DLGAP4: variants seen among roughly 807,000 people sequenced by gnomAD.
The protein encoded by DLGAP4 is DLG associated protein 4, also known as disks large-associated protein 4.
Under a neutral mutation model 86.9 loss-of-function variants are expected in DLGAP4, and 18 were observed. The observed-to-expected ratio is 0.21, with a 90% CI of 0.14 to 0.31. The LOEUF is 0.31. Among genes scored for constraint, DLGAP4 ranks in the 10% least tolerant of loss-of-function variants. DLGAP4 has a pLI of 1.00. For missense variants in DLGAP4, 1,085 were observed against 1,362.6 expected, an observed-to-expected ratio of 0.80 and a Z score of 3.21; for synonymous variants, 548 against 574.3, an observed-to-expected ratio of 0.95 and a Z score of 0.65.
chr20:36,361,362 G>C (rs1222948439), intron 1 of DLGAP4, among the ~76,000 whole-genome samples: 2 of 152,186 alleles, frequency 1.3e-5, no homozygotes, highest in African/African-American at 4.8e-5. Context: ...TGGGCCTGAG[G>C]TGGCAAGGTT....
In DLGAP4 at chr20:36,431,995, A is replaced by G; in HGVS notation, c.278A>G (p.Gln93Arg). Residue 93 changes from glutamine to arginine, a missense_variant, in exon 3 of 13, where the codon CAA becomes CGA. Physicochemically the swap from Gln to Arg is conservative, Grantham distance 43 (BLOSUM62 1). Coordinates refer to ENST00000339266, the MANE Select transcript of DLGAP4 (RefSeq NM_001365621.2). This position sits in a 1 kb window ranked among gnomAD's most constrained non-coding sequence, Gnocchi z 5.1. ...GAGAGCCCCTTCCCCAGCCATGCCCAAGCCACCAAGATCAACCGGCTGCCC... is the reference window on the plus strand; with the variant it reads ...GAGAGCCCCTTCCCCAGCCATGCCCGAGCCACCAAGATCAACCGGCTGCCC... ...PEESPFPSHA[Q>R]ATKINRLPAN... 1 of 1,614,064 alleles carries G rather than the reference A, an allele frequency of 6.2e-7. No individual in the cohort carries two copies. Among genetic ancestry groups the G allele is most frequent in the Non-Finnish European group, 8.5e-7 (1 of 1,179,992 alleles).
chr20:36,328,191 T>C (rs1555891167), intron 1 of DLGAP4, among the ~76,000 whole-genome samples: 1 of 151,788 alleles, frequency 6.6e-6, no homozygotes, highest in Non-Finnish European at 1.5e-5. Context: ...AGAGCAAGAC[T>C]CTGTCTCAAG....
In DLGAP4 at chr20:36,519,953, G is replaced by GT. The variant is rs1228256261; in HGVS notation, c.2513-4294dup. Among the ~76,000 whole-genome samples the GT allele has an allele frequency of 3.5e-4, 53 of 149,832 alleles. 1 individual carries two copies. Among genetic ancestry groups the GT allele is most frequent in the African/African-American group, 1.3e-3 (52 of 39,782 alleles). On this transcript the variant is annotated intron_variant, in intron 10 of 12. Transcript: ENST00000339266. Reference sequence around the variant, plus strand: ...CTACAGGTGTGCACCACCATGCCCAGTTTGTTTTTTTTTTTTTCTTTTGGT... The same window carrying GT: ...CTACAGGTGTGCACCACCATGCCCAGTTTTGTTTTTTTTTTTTTCTTTTGGT...
intron 1 of DLGAP4, among the ~76,000 whole-genome samples, chr20:36,346,210 C>G (rs575249204): frequency 1.3e-5 from 2 of 152,336 alleles, no homozygotes; most frequent in East Asian, 1.9e-4. Context: ...TGGGCAGAGT[C>G]CAAGGACTGA....
At chr20:36,408,404 C>T (rs927884406) in intron 2 of DLGAP4, among the ~76,000 whole-genome samples, 2 of 152,116 alleles carry the variant, frequency 1.3e-5, no homozygotes, top group African/African-American at 2.4e-5. Flanking sequence ...GATGTTTATC[C>T]ACCAGCTCCC....
intron 1 of DLGAP4, among the ~76,000 whole-genome samples, chr20:36,307,665 T>C (rs1363914635): frequency 1.3e-5 from 2 of 151,792 alleles, no homozygotes; most frequent in African/African-American, 4.8e-5. Context: ...TGCCTGGAAG[T>C]GGAAATGACA....
intron 2 of DLGAP4, among the ~76,000 whole-genome samples, chr20:36,388,809 A>G (rs1304573626): frequency 6.6e-6 from 1 of 152,180 alleles, no homozygotes; most frequent in Non-Finnish European, 1.5e-5. Flanking sequence ...TCCTGCGATT[A>G]TTACTTCTTC....
intron 2 of DLGAP4, among the ~76,000 whole-genome samples, chr20:36,416,128 C>T (rs1264749661): frequency 6.6e-6 from 1 of 152,072 alleles, no homozygotes; most frequent in African/African-American, 2.4e-5. Flanking sequence ...TATTTACTTA[C>T]TTATTTATTC....
At chr20:36,461,031 G>C (rs2034015641) in intron 7 of DLGAP4, among the ~76,000 whole-genome samples, 2 of 152,234 alleles carry the variant, frequency 1.3e-5, no homozygotes, top group Non-Finnish European at 2.9e-5. Flanking sequence ...CTATGCAGGG[G>C]TGAGAGGGCC....
At chr20:36,360,486 C>T (rs993760737) in intron 1 of DLGAP4, among the ~76,000 whole-genome samples, 16 of 152,326 alleles carry the variant, frequency 1.1e-4, no homozygotes, top group Middle Eastern at 3.4e-3. Context: ...TCACCTGCCA[C>T]GACCCCGTTC....
At chr20:36,495,136 C>T (rs1447743431) in intron 7 of DLGAP4, among the ~76,000 whole-genome samples, 6 of 152,106 alleles carry the variant, frequency 3.9e-5, no homozygotes, top group Admixed American at 2.6e-4. Context: ...GGATTACAGG[C>T]GTGTACCACC....
chr20:36,451,361 T>C (rs1316780955), intron 7 of DLGAP4, among the ~76,000 whole-genome samples: 2 of 152,180 alleles, frequency 1.3e-5, no homozygotes, highest in Non-Finnish European at 2.9e-5. Flanking sequence ...GATTGATTGA[T>C]TGATTGAGAC....
intron 2 of DLGAP4, among the ~76,000 whole-genome samples, chr20:36,407,557 C>T (rs1478467665): frequency 6.6e-6 from 1 of 151,986 alleles, no homozygotes; most frequent in Admixed American, 6.6e-5. Flanking sequence ...CCCTGAGAGT[C>T]AGAAGAAAGG....
At chr20:36,360,087 C>T (rs1464914404) in intron 1 of DLGAP4, among the ~76,000 whole-genome samples, 1 of 152,196 alleles carries the variant, frequency 6.6e-6, no homozygotes, top group African/African-American at 2.4e-5. Flanking sequence ...TTGAACATTT[C>T]CTGTCTACCA....
At position 36,446,697 on chromosome 20, in the gene DLGAP4, G is replaced by A. The variant is rs767036774; in HGVS notation, c.1408G>A (p.Val470Ile). Residue 470 changes from valine (V) to isoleucine (I), a missense_variant and splice_region_variant, in exon 7 of 13, where the codon GTA (valine) becomes ATA (isoleucine). Coordinates refer to ENST00000339266, the MANE Select transcript of DLGAP4 (RefSeq NM_001365621.2). Reference sequence around the variant, plus strand: ...CTCATGCCTGCCTTTGCCTGGACAGGTACGGGAGGCAGAGCTGAGTGACCA... The same window carrying A: ...CTCATGCCTGCCTTTGCCTGGACAGATACGGGAGGCAGAGCTGAGTGACCA... ...IPQLFGHEQQVREAELSDQYE... is the reference protein window; with the variant it reads ...IPQLFGHEQQIREAELSDQYE... 6.3e-7 allele frequency: 1 copy of A among 1,599,278 alleles called. No individual in the cohort carries two copies. The highest frequency in any genetic ancestry group is 8.6e-7 in the Non-Finnish European group (1 of 1,169,194).
chr20:36,447,161 G>T (rs2033614240), intron 7 of DLGAP4, among the ~76,000 whole-genome samples: 1 of 152,192 alleles, frequency 6.6e-6, no homozygotes, highest in Non-Finnish European at 1.5e-5. Context: ...CACCCCTGGG[G>T]GGCATGGGAG....
chr20:36,421,923 G>C (rs930533555), intron 2 of DLGAP4, among the ~76,000 whole-genome samples: 1 of 152,126 alleles, frequency 6.6e-6, no homozygotes, highest in Non-Finnish European at 1.5e-5. Context: ...AAGGCCATGC[G>C]TCAGGATGAG....
In DLGAP4 at chr20:36,500,061, C is replaced by T. The variant is rs1397762343; in HGVS notation, c.2100-138C>T. The T allele has an allele frequency of 7.6e-6, 8 of 1,048,214 alleles. No individual in the cohort carries two copies. The highest frequency in any genetic ancestry group is 2.6e-5 in the East Asian group (1 of 38,260). The allele number at this position is 1,048,214 out of a possible 1,614,324, so 64.9% of individuals were successfully genotyped here. The stretch of plus-strand genomic sequence containing the variant: ...AGAATGAGATGGGGGCTGTGGGACC[C>T]GCTTCAGGCGCATGGTGAGCAGATG... On this transcript the variant is annotated intron_variant, in intron 9 of 12. Coordinates refer to ENST00000339266, the MANE Select transcript of DLGAP4 (RefSeq NM_001365621.2). This position sits in a 1 kb window ranked among gnomAD's most constrained non-coding sequence, Gnocchi z 4.6.
chr20:36,339,171 T>G (rs2065352099), intron 1 of DLGAP4, among the ~76,000 whole-genome samples: 1 of 148,684 alleles, frequency 6.7e-6, no homozygotes, highest in Non-Finnish European at 1.5e-5. Context: ...TCACTGCAAC[T>G]CTGCCTCCTG....
Sources: gnomAD v4.1 joint callset for allele counts (sites outside exome capture counted in the v4.1 genomes callset) on GRCh38, gnomAD v4.1.1 for gene constraint, Gnocchi (gnomAD v3.1) non-coding constraint, MANE v1.5 for transcripts, NCBI Gene and HGNC (gene_info 2026-07-23, HGNC 2026-07-21) for gene names.